The following TACR1 variants were observed in gnomAD, a reference collection of about 807,000 sequenced individuals.
TACR1 encodes the protein tachykinin receptor 1, also known as substance-P receptor.
A neutral mutation model predicts 35.8 loss-of-function variants in TACR1; 25 were observed. The observed-to-expected ratio is 0.70, with a 90% CI of 0.51 to 0.98. The LOEUF is 0.98. Among genes scored for constraint, TACR1 ranks in the 50% least tolerant of loss-of-function variants. The probability of loss-of-function intolerance (pLI) is 0.00; values close to 1 mark genes in which losing one functional copy is unlikely to be tolerated. For synonymous variants in TACR1, 195 were observed against 206.7 expected, an observed-to-expected ratio of 0.94 and a Z score of 0.48; for missense variants, 478 against 522.9, an observed-to-expected ratio of 0.91 and a Z score of 0.84.
At chr2:75,174,537 G>A (rs1675367656) in intron 1 of TACR1, among the ~76,000 whole-genome samples, 1 of 152,134 alleles carries the variant, frequency 6.6e-6, no homozygotes, top group African/African-American at 2.4e-5. Flanking sequence ...TAAAACTCAT[G>A]AATTGTTTAT....
In TACR1 at chr2:75,049,303, C is replaced by G. The variant is rs770547001; in HGVS notation, c.*129G>C. ...TCAAGGATGGAATGTTTTCCCTAAC[C>G]CATACTGACCCTTTTTGCAAGTCCC... On this transcript the variant is annotated 3_prime_UTR_variant, in exon 5 of 5. Transcript: ENST00000305249. The G allele has an allele frequency of 9.7e-7, 1 of 1,030,150 alleles. No homozygotes were observed. The highest frequency in any genetic ancestry group is 1.4e-6 in the Non-Finnish European group (1 of 714,396). The allele number at this position is 1,030,150 out of a possible 1,614,324, so 63.8% of individuals were successfully genotyped here. A position where few individuals can be genotyped will look rare whatever the true frequency, so the allele number is the denominator to read the frequency against.
chr2:75,067,016 T>C (rs533975540), intron 2 of TACR1, among the ~76,000 whole-genome samples: 43 of 152,340 alleles, frequency 2.8e-4, no homozygotes, highest in Non-Finnish European at 5.1e-4. Context: ...AAAGCTAAGC[T>C]AATCTATGCA....
intron 1 of TACR1, among the ~76,000 whole-genome samples, chr2:75,123,212 C>T (rs989796317): frequency 3.8e-5 from 4 of 104,460 alleles, no homozygotes; most frequent in African/African-American, 1.6e-4. Flanking sequence ...AGTTCCTACC[C>T]TCACTGGCAG....
chr2:75,144,243 A>T (rs2103953298), intron 1 of TACR1, among the ~76,000 whole-genome samples: 1 of 152,280 alleles, frequency 6.6e-6, no homozygotes, highest in South Asian at 2.1e-4. Flanking sequence ...TGATAATTAA[A>T]GCGTGGGCAC....
intron 2 of TACR1, among the ~76,000 whole-genome samples, chr2:75,116,864 A>G (rs145838018): frequency 0.012 from 1,891 of 152,188 alleles, 43 homozygotes; most frequent in African/African-American, 0.043. Context: ...GAGCTGAGAT[A>G]GTGCCATTGC....
chr2:75,155,883 A>C lies in TACR1; in HGVS notation c.390-35115T>G, dbSNP rs146433698. 2.6e-3 allele frequency among the ~76,000 whole-genome samples: 391 copies of C among 152,370 alleles called. 2 individuals carry two copies. The highest frequency in any genetic ancestry group is 9.0e-3 in the African/African-American group (376 of 41,584). Reference sequence around the variant, plus strand: ...TCTATTATTCTAACTCAGGATTGGTAAATTATGGCCCATAGGCCAAAGCTG... The same window carrying C: ...TCTATTATTCTAACTCAGGATTGGTCAATTATGGCCCATAGGCCAAAGCTG... On this transcript the variant is annotated intron_variant, in intron 1 of 4. Transcript: ENST00000305249.
intron 2 of TACR1, among the ~76,000 whole-genome samples, chr2:75,069,738 G>C (rs1254479366): frequency 6.6e-6 from 1 of 152,136 alleles, no homozygotes; most frequent in African/African-American, 2.4e-5. Context: ...TCTGGAATTT[G>C]TCTGATGTTT....
chr2:75,084,154 T>G (rs1001573694), intron 2 of TACR1, among the ~76,000 whole-genome samples: 2 of 152,270 alleles, frequency 1.3e-5, no homozygotes, highest in Admixed American at 1.3e-4. Context: ...TGAATTTTGT[T>G]GAAGGCCTTT....
chr2:75,166,828 C>T (rs1334913652), intron 1 of TACR1, among the ~76,000 whole-genome samples: 1 of 152,144 alleles, frequency 6.6e-6, no homozygotes, highest in African/African-American at 2.4e-5. Context: ...CAGAGAAGTG[C>T]AGATATAGGA....
At chr2:75,144,121 C>T (rs112642997) in intron 1 of TACR1, among the ~76,000 whole-genome samples, 7 of 152,262 alleles carry the variant, frequency 4.6e-5, no homozygotes, top group South Asian at 2.1e-4. Context: ...AACTTTCAGC[C>T]GTAGGGTCCA....
chr2:75,084,861 A>G (rs1034600726), intron 2 of TACR1, among the ~76,000 whole-genome samples: 2 of 151,952 alleles, frequency 1.3e-5, no homozygotes, highest in African/African-American at 4.8e-5. Context: ...AGTTTTGTCA[A>G]TCTTTTCAGA....
intron 1 of TACR1, among the ~76,000 whole-genome samples, chr2:75,141,614 C>T (rs11126453): frequency 0.12 from 18,295 of 151,972 alleles, 1,284 homozygotes; most frequent in Middle Eastern, 0.22. Context: ...CCAAGCTATG[C>T]CTTTGTCCAC....
chr2:75,094,153 G>A (rs923029941), intron 2 of TACR1, among the ~76,000 whole-genome samples: 1 of 152,176 alleles, frequency 6.6e-6, no homozygotes, highest in African/African-American at 2.4e-5. Flanking sequence ...TGCTGTTGGT[G>A]CTGATTTAAT....
intron 2 of TACR1, among the ~76,000 whole-genome samples, chr2:75,097,222 T>C (rs1460311760): frequency 6.6e-6 from 1 of 152,190 alleles, no homozygotes; most frequent in Admixed American, 6.5e-5. Flanking sequence ...TGTGGTCAAA[T>C]AAAGATAGCG....
rs530683290 is a variant in TACR1 at position 75,053,176 on chromosome 2, C to T, written c.735+429G>A. 4.1e-4 allele frequency among the ~76,000 whole-genome samples: 63 copies of T among 152,270 alleles called. No homozygotes were observed. The Middle Eastern group carries it at 0.01, about 25-fold the overall frequency. On this transcript the variant is annotated intron_variant, in intron 3 of 4. Transcript: ENST00000305249. ...TCACTCACGCTCTCGCTTTGTAGGC[C>T]ACTCCTCCCAAGCCCCCTCAAACAC...
At chr2:75,091,800 T>A (rs765175859) in intron 2 of TACR1, among the ~76,000 whole-genome samples, 7 of 152,188 alleles carry the variant, frequency 4.6e-5, no homozygotes, top group Non-Finnish European at 1.0e-4. Flanking sequence ...TTATCTGCTG[T>A]ATGGGCAGTG....
rs1672403342 is a variant in TACR1, at chr2:75,048,594, A to C, written c.*838T>G. On this transcript the variant is annotated 3_prime_UTR_variant, in exon 5 of 5. Transcript: ENST00000305249. ...TATTCTTCGTTTTGTTTTTTTTTGT[A>C]AAACAAACAAAAAACTCATACAATC... 1 of 151,786 alleles carries C rather than the reference A, an allele frequency of 6.6e-6. No homozygotes were observed. The highest frequency in any genetic ancestry group is 2.4e-5 in the African/African-American group (1 of 41,302). 9.4% of individuals were successfully genotyped at this position (151,786 alleles called of 1,614,324 possible).
chr2:75,128,174 C>T lies in TACR1; in HGVS notation c.390-7406G>A, dbSNP rs527918427. Among the ~76,000 whole-genome samples the T allele has an allele frequency of 5.9e-5, 9 of 152,352 alleles. No homozygotes were observed. The South Asian group carries it at 1.9e-3, about 32-fold the overall frequency. On this transcript the variant is annotated intron_variant, in intron 1 of 4. Transcript: ENST00000305249. Reference sequence around the variant, plus strand: ...ACCAAAGAACTCCATCTTCATTCAGCAGTTGCAAGCTGGCGGCTCCACTTA... The same window carrying T: ...ACCAAAGAACTCCATCTTCATTCAGTAGTTGCAAGCTGGCGGCTCCACTTA...
At chr2:75,166,061 T>C (rs1285765128) in intron 1 of TACR1, among the ~76,000 whole-genome samples, 1 of 152,208 alleles carries the variant, frequency 6.6e-6, no homozygotes, top group Non-Finnish European at 1.5e-5. Context: ...TTCCCCTCAC[T>C]GTGATTAGAG....
Sources: gnomAD v4.1 joint callset for allele counts (sites outside exome capture counted in the v4.1 genomes callset) on GRCh38, gnomAD v4.1.1 for gene constraint, MANE v1.5 for transcripts, NCBI Gene and HGNC (gene_info 2026-07-23, HGNC 2026-07-21) for gene names.